Variants in DMD observed in about 807,000 individuals in gnomAD.
The protein encoded by DMD is dystrophin, also known as mutant dystrophin.
A neutral mutation model predicts 330.1 loss-of-function variants in DMD; 63 were observed. The observed-to-expected ratio is 0.19, with a 90% confidence interval of 0.16 to 0.24. The LOEUF (loss-of-function observed/expected upper bound fraction) is 0.24, where lower values mean the gene tolerates loss of function less well. Among genes scored for constraint, DMD ranks in the 10% least tolerant of loss-of-function variants. DMD has a pLI of 1.00. For missense variants in DMD, 3,344 were observed against 2,684.1 expected, an observed-to-expected ratio of 1.25 and a Z score of -5.43; for synonymous variants, 1,223 against 959.8, an observed-to-expected ratio of 1.27 and a Z score of -5.07.
At chrX:32,135,897 T>C (rs1423606568) in intron 44 of DMD, among the ~76,000 whole-genome samples, 1 of 112,180 alleles carries the variant, frequency 8.9e-6, no homozygotes, top group African/African-American at 3.2e-5. Context: ...AGAAAACAAA[T>C]ATTAATAAAA....
At chrX:31,947,963 C>T (rs922375567) in intron 45 of DMD, among the ~76,000 whole-genome samples, 14 of 110,857 alleles carry the variant, frequency 1.3e-4, no homozygotes, top group African/African-American at 4.6e-4. Context: ...TACAGCAGAT[C>T]TTTAGAACTT....
At chrX:31,513,933 G>C (rs2071919143) in intron 55 of DMD, among the ~76,000 whole-genome samples, 2 of 111,984 alleles carry the variant, frequency 1.8e-5, no homozygotes, top group African/African-American at 6.5e-5. Flanking sequence ...AATGCAGCAA[G>C]ATTTAGAACC....
At chrX:32,846,747 A>AAAAAG (rs572173304) in intron 3 of DMD, among the ~76,000 whole-genome samples, 2 of 74,168 alleles carry the variant, frequency 2.7e-5, no homozygotes, top group African/African-American at 9.4e-5. Flanking sequence ...AAAAAAAAAA[A>AAAAAG]GCAACAGCCA....
At chrX:32,325,340 C>T (rs909505118) in intron 41 of DMD, among the ~76,000 whole-genome samples, 2 of 111,201 alleles carry the variant, frequency 1.8e-5, no homozygotes, top group African/African-American at 6.5e-5. Context: ...TCGCACAGAG[C>T]TCTGAACTAG....
intron 54 of DMD, among the ~76,000 whole-genome samples, chrX:31,656,213 G>A (rs1169955505): frequency 8.9e-6 from 1 of 112,058 alleles, no homozygotes; most frequent in African/African-American, 3.2e-5. Context: ...AATGTGAGTT[G>A]GCTTCTAAAA....
chrX:32,466,026 A>G (rs1181666776), intron 23 of DMD, among the ~76,000 whole-genome samples: 2 of 111,028 alleles, frequency 1.8e-5, no homozygotes, highest in Non-Finnish European at 3.8e-5. Flanking sequence ...TGTTTTGAAA[A>G]CACAAGTGGA....
chrX:32,246,980 C>G (rs1307347497), intron 43 of DMD, among the ~76,000 whole-genome samples: 2 of 111,228 alleles, frequency 1.8e-5, no homozygotes, highest in African/African-American at 6.5e-5. Flanking sequence ...CAGATATGGC[C>G]AGGACCCACC....
intron 10 of DMD, 60 bp downstream of exon 10, chrX:32,644,904 G>C (rs1248196836): frequency 1.7e-6 from 2 of 1,149,837 alleles, no homozygotes; most frequent in Admixed American, 4.4e-5. Flanking sequence ...GAGGAAAAAG[G>C]ATGACTTGCC....
intron 44 of DMD, among the ~76,000 whole-genome samples, chrX:32,158,717 A>G (rs2096838824): frequency 8.9e-6 from 1 of 111,751 alleles, no homozygotes; most frequent in Non-Finnish European, 1.9e-5. Flanking sequence ...GTTTACAAAG[A>G]CATTGCCCTG....
intron 20 of DMD, among the ~76,000 whole-genome samples, chrX:32,489,840 C>A (rs900340035): frequency 3.6e-5 from 4 of 111,761 alleles, no homozygotes; most frequent in Non-Finnish European, 5.6e-5. Flanking sequence ...ACAGGAAAAG[C>A]GGCATTGGTT....
At chrX:32,178,863 G>A (rs867675350) in intron 44 of DMD, among the ~76,000 whole-genome samples, 1 of 99,677 alleles carries the variant, frequency 1.0e-5, no homozygotes, top group Non-Finnish European at 2.1e-5. Context: ...GTGTGTGTGT[G>A]TACACACGAT....
chrX:31,792,313 A>T (rs746028385), intron 50 of DMD, among the ~76,000 whole-genome samples: 3 of 112,655 alleles, frequency 2.7e-5, no homozygotes, highest in South Asian at 3.6e-4. Context: ...ATCTCATTTT[A>T]AAAATTATTT....
intron 1 of DMD, among the ~76,000 whole-genome samples, chrX:33,062,007 C>G (rs1240437831): frequency 8.9e-6 from 1 of 112,185 alleles, no homozygotes; most frequent in African/African-American, 3.2e-5. Context: ...TGTCTCTTCT[C>G]CATAAAGATC....
chrX:33,121,037 A>G (rs2095421362), intron 1 of DMD, among the ~76,000 whole-genome samples: 1 of 110,161 alleles, frequency 9.1e-6, no homozygotes, highest in African/African-American at 3.3e-5. Flanking sequence ...GCTATTTGCA[A>G]ACTTTTTTCT....
chrX:33,222,738 C>A (rs2052205880), intron 1 of DMD, among the ~76,000 whole-genome samples: 1 of 111,980 alleles, frequency 8.9e-6, no homozygotes, highest in South Asian at 3.7e-4. Flanking sequence ...TAACCATTTA[C>A]ATTAGCACCT....
In DMD at chrX:32,622,942, A is replaced by T. The variant is rs144118523; in HGVS notation, c.1332-8489T>A. On this transcript the variant is annotated intron_variant, in intron 11 of 78. Coordinates refer to ENST00000357033, the MANE Select transcript of DMD (RefSeq NM_004006.3). ...GAATGACAACATTCCAGGTAAGAAT[A>T]TTATTTATTTGAAAACCACTGCTAG... 9.8e-3 allele frequency among the ~76,000 whole-genome samples: 1,093 copies of T among 111,578 alleles called. 12 individuals carry two copies. The highest frequency in any genetic ancestry group is 0.034 in the African/African-American group (1,041 of 30,661).
intron 50 of DMD, among the ~76,000 whole-genome samples, chrX:31,787,094 C>T (rs2091341575): frequency 8.9e-6 from 1 of 111,792 alleles, no homozygotes; most frequent in Admixed American, 9.5e-5. Flanking sequence ...AATTATAAGC[C>T]AGGCGCTGTG....
chrX:31,901,703 T>C (rs906125016), intron 47 of DMD, among the ~76,000 whole-genome samples: 4 of 111,919 alleles, frequency 3.6e-5, no homozygotes, highest in Admixed American at 2.9e-4. Context: ...CAACATCTTA[T>C]TAATATGACA....
At chrX:32,746,492 G>A (rs550970861) in intron 7 of DMD, among the ~76,000 whole-genome samples, 4 of 111,629 alleles carry the variant, frequency 3.6e-5, no homozygotes, top group South Asian at 3.8e-4. Context: ...TAGAAATACC[G>A]AATTTCAGGA....
Sources: gnomAD v4.1 joint callset for allele counts (sites outside exome capture counted in the v4.1 genomes callset) on GRCh38, gnomAD v4.1.1 for gene constraint, MANE v1.5 for transcripts, NCBI Gene and HGNC (gene_info 2026-07-23, HGNC 2026-07-21) for gene names.